The following TCF7L2 variants were observed in gnomAD, a reference collection of about 807,000 sequenced individuals.
TCF7L2 encodes transcription factor 7-like 2.
TCF7L2 carries 23 observed loss-of-function variants against 77.9 expected under a neutral mutation model. The ratio of observed to expected loss-of-function variants is 0.30; its 90% CI spans 0.21 to 0.42. The LOEUF (loss-of-function observed/expected upper bound fraction) is 0.42, where lower values mean the gene tolerates loss of function less well. Among genes scored for constraint, TCF7L2 ranks in the 10% least tolerant of loss-of-function variants. TCF7L2 has a pLI of 1.00. For synonymous variants in TCF7L2, 413 were observed against 340.2 expected, an observed-to-expected ratio of 1.21 and a Z score of -2.36; for missense variants, 654 against 793.1, an observed-to-expected ratio of 0.82 and a Z score of 2.11.
At chr10:113,013,309 G>T (rs10885404) in intron 4 of TCF7L2, among the ~76,000 whole-genome samples, 24,551 of 152,028 alleles carry the variant, frequency 0.16, 2,480 homozygotes, top group East Asian at 0.29. Context: ...AGTAGAGATG[G>T]GGTTTCACCA....
At chr10:113,035,376 C>G (rs2050997562) in intron 4 of TCF7L2, among the ~76,000 whole-genome samples, 4 of 152,230 alleles carry the variant, frequency 2.6e-5, no homozygotes, top group Admixed American at 2.6e-4. Context: ...GCATGACAAA[C>G]TATGGCCCAT....
chr10:113,021,318 T>C (rs774931720), intron 4 of TCF7L2, among the ~76,000 whole-genome samples: 17 of 152,210 alleles, frequency 1.1e-4, no homozygotes, highest in Non-Finnish European at 2.2e-4. Context: ...CTTATTATTG[T>C]TTTCTTTTTC....
chr10:113,041,534 A>T (rs747987591), intron 5 of TCF7L2, among the ~76,000 whole-genome samples: 1 of 152,120 alleles, frequency 6.6e-6, no homozygotes, highest in Non-Finnish European at 1.5e-5. Context: ...GAGCCTTGTG[A>T]TGTCTTCTCT....
intron 5 of TCF7L2, chr10:113,125,958 AT>A (rs2065520200): frequency 6.6e-6 from 1 of 152,192 alleles, no homozygotes; most frequent in Non-Finnish European, 1.5e-5. Flanking sequence ...CACATTCTTG[AT>A]TTTGTTTAAT....
At chr10:113,002,952 C>T (rs1404909948) in intron 4 of TCF7L2, among the ~76,000 whole-genome samples, 1 of 152,086 alleles carries the variant, frequency 6.6e-6, no homozygotes, top group Non-Finnish European at 1.5e-5. Context: ...CTGTGGTGTT[C>T]TGTGCATGGA....
At chr10:113,021,250 G>T (rs2048230263) in intron 4 of TCF7L2, among the ~76,000 whole-genome samples, 2 of 152,156 alleles carry the variant, frequency 1.3e-5, no homozygotes, top group Admixed American at 1.3e-4. Flanking sequence ...CGGAAAATGG[G>T]TAAAATATCA....
At chr10:113,039,844 A>G (rs1004032069) in intron 4 of TCF7L2, among the ~76,000 whole-genome samples, 181 bp from the exon 5 acceptor site, 1 of 152,172 alleles carries the variant, frequency 6.6e-6, no homozygotes, top group African/African-American at 2.4e-5. Flanking sequence ...TACTTACTGA[A>G]CTTGAGCTCT....
chr10:113,010,463 T>A (rs570686802), intron 4 of TCF7L2, among the ~76,000 whole-genome samples: 1 of 152,242 alleles, frequency 6.6e-6, no homozygotes, highest in South Asian at 2.1e-4. Flanking sequence ...AAGCTCTGAG[T>A]CCTATGCGTT....
intron 4 of TCF7L2, among the ~76,000 whole-genome samples, chr10:113,024,866 C>T (rs368384021): frequency 1.3e-5 from 2 of 152,080 alleles, no homozygotes; most frequent in East Asian, 1.9e-4. Flanking sequence ...GTGATCCACC[C>T]GCTTTGGCCT....
At chr10:112,970,420 C>T (rs1023490130) in intron 4 of TCF7L2, among the ~76,000 whole-genome samples, 2 of 151,684 alleles carry the variant, frequency 1.3e-5, no homozygotes, top group Non-Finnish European at 2.9e-5. Flanking sequence ...TCCTCCAGGG[C>T]CTGGGTGCTT....
chr10:113,161,487 G>C, intron 13 of TCF7L2: 1 of 1,387,408 alleles, frequency 7.2e-7, no homozygotes, highest in African/African-American at 1.4e-5. Flanking sequence ...TTCCTTCTTG[G>C]TGGAGGGATA....
At chr10:113,019,527 C>T (rs566234059) in intron 4 of TCF7L2, among the ~76,000 whole-genome samples, 1 of 152,226 alleles carries the variant, frequency 6.6e-6, no homozygotes, top group African/African-American at 2.4e-5. Context: ...TCAAATGTCA[C>T]CAATCTTGGT....
chr10:113,129,526 T>G (rs960518888), intron 5 of TCF7L2: 12 of 1,009,800 alleles, frequency 1.2e-5, no homozygotes, highest in Non-Finnish European at 1.4e-5. Flanking sequence ...TGCAACCAGC[T>G]GAACTCTAGA....
chr10:113,129,148 A>G (rs1215348981), intron 5 of TCF7L2: 2 of 200,298 alleles, frequency 1.0e-5, no homozygotes, highest in Non-Finnish European at 1.8e-5. Flanking sequence ...CAGGGCAGGC[A>G]AGGCCCTGCA....
chr10:112,994,256 C>T (rs1461949598), intron 4 of TCF7L2, among the ~76,000 whole-genome samples: 1 of 152,136 alleles, frequency 6.6e-6, no homozygotes, highest in Non-Finnish European at 1.5e-5. Context: ...CATTTCCTCT[C>T]CCCCCAGCCC....
At chr10:113,114,941 C>G (rs1263716072) in intron 5 of TCF7L2, among the ~76,000 whole-genome samples, 1 of 152,166 alleles carries the variant, frequency 6.6e-6, no homozygotes, top group Non-Finnish European at 1.5e-5. Context: ...TCCAGTAAAT[C>G]TTAATTAAGT....
intron 4 of TCF7L2, among the ~76,000 whole-genome samples, chr10:113,025,973 G>A (rs1301811437): frequency 1.3e-5 from 2 of 151,894 alleles, no homozygotes; most frequent in East Asian, 1.9e-4. Flanking sequence ...CTGCCTCCCG[G>A]GTTCAAGTGA....
chr10:113,055,414 C>T (rs1047925054), intron 5 of TCF7L2, among the ~76,000 whole-genome samples: 7 of 152,164 alleles, frequency 4.6e-5, no homozygotes, highest in African/African-American at 1.7e-4. Context: ...TGTGGCTTGC[C>T]TGGTTTAATG....
intron 4 of TCF7L2, among the ~76,000 whole-genome samples, chr10:112,996,431 T>G (rs542041387): frequency 5.3e-4 from 80 of 152,110 alleles, no homozygotes; most frequent in Non-Finnish European, 1.1e-3. Flanking sequence ...AGGAAATATT[T>G]TATGGAGAGA....
Sources: allele counts gnomAD v4.1 joint callset (sites outside exome capture counted in the v4.1 genomes callset), GRCh38; gene constraint gnomAD v4.1.1; transcripts MANE v1.5; gene names NCBI Gene and HGNC (gene_info 2026-07-23, HGNC 2026-07-21).